The following AHCY variants were observed in gnomAD, a reference collection of about 807,000 sequenced individuals.
The protein encoded by AHCY is S-adenosyl-L-homocysteine hydrolase.
In AHCY, 24 loss-of-function variants were observed where a neutral mutation model predicts 45.4. The observed-to-expected ratio is 0.53, with a 90% CI of 0.38 to 0.74. The LOEUF (loss-of-function observed/expected upper bound fraction) is 0.74. Among genes scored for constraint, AHCY ranks in the 30% least tolerant of loss-of-function variants. AHCY has a pLI of 0.00. For synonymous variants in AHCY, 245 were observed against 235.1 expected (o/e 1.04, Z -0.39); for missense variants, 449 against 594.1 (o/e 0.76, Z 2.54).
At chr20:34,284,233 C>T (rs927064981) in intron 9 of AHCY, among the ~76,000 whole-genome samples, 1 of 152,082 alleles carries the variant, frequency 6.6e-6, no homozygotes, top group Non-Finnish European at 1.5e-5. Flanking sequence ...AATCTCGTCT[C>T]ACTGCAACCT....
At chr20:34,278,560 C>T (rs879554159), downstream of AHCY, among the ~76,000 whole-genome samples, 8 of 152,242 alleles carry the variant, frequency 5.3e-5, no homozygotes, top group Non-Finnish European at 8.8e-5. Flanking sequence ...CTCTGGTTTA[C>T]AGTTCCAGAG....
the AHCY span, among the ~76,000 whole-genome samples, chr20:34,251,888 C>T: frequency 6.6e-6 from 1 of 152,162 alleles, no homozygotes; most frequent in African/African-American, 2.4e-5. Flanking sequence ...CTGCCTGCAC[C>T]TTGATCTTGG....
intron 3 of AHCY, 187 bp downstream of exon 3, chr20:34,293,894 C>A: frequency 2.9e-6 from 2 of 683,578 alleles, no homozygotes; most frequent in Non-Finnish European, 5.3e-6. Flanking sequence ...TAAACAACTT[C>A]CACAGGATTT....
At chr20:34,306,940 G>T (rs893316543), upstream of AHCY, among the ~76,000 whole-genome samples, 1 of 152,186 alleles carries the variant, frequency 6.6e-6, no homozygotes, top group Non-Finnish European at 1.5e-5. Context: ...GGTAAATGTG[G>T]CTGTAAAAGG....
the AHCY span, chr20:34,260,465 C>G: frequency 6.2e-7 from 1 of 1,614,102 alleles, no homozygotes; most frequent in Non-Finnish European, 8.5e-7. Context: ...GGAGAAGCTC[C>G]GAGATGACAG....
intron 1 of AHCY, among the ~76,000 whole-genome samples, chr20:34,309,360 G>A (rs767808138): frequency 1.3e-5 from 2 of 152,114 alleles, no homozygotes; most frequent in Admixed American, 1.3e-4. Flanking sequence ...TTAGTGGATT[G>A]ACCTTTTATC....
rs774872458 is a variant in AHCY, at chr20:34,285,473, C to G, written c.1134G>C (p.Lys378Asn). Residue 378 changes from lysine (K) to asparagine (N), a missense_variant, in exon 9 of 10, where the codon AAG becomes AAC. Transcript: ENST00000217426. ...AQIELWTHPD[K>N]YPVGVHFLPK... ...GCAGGAAATGAACCCCAACGGGGTA[C>G]TTGTCTGGATGGGTCCACAGCTCGA... 1.1e-5 allele frequency: 18 copies of G among 1,613,966 alleles called. No individual in the cohort carries two copies. The highest frequency in any genetic ancestry group is 1.4e-5 in the Non-Finnish European group (17 of 1,179,946).
At chr20:34,301,170 G>A (rs1360889437) in intron 1 of AHCY, among the ~76,000 whole-genome samples, 3 of 152,112 alleles carry the variant, frequency 2.0e-5, no homozygotes, top group Non-Finnish European at 2.9e-5. Flanking sequence ...CCAATTAACC[G>A]CAGAACCAGA....
chr20:34,245,351 G>A, the AHCY span, among the ~76,000 whole-genome samples: 1 of 145,354 alleles, frequency 6.9e-6, no homozygotes. Context: ...AAAAAAAAAA[G>A]AGAGAGAGAC....
At chr20:34,303,202 G>A in intron 1 of AHCY, 41 bp downstream of exon 1, 3 of 1,550,748 alleles carry the variant, frequency 1.9e-6, no homozygotes, top group Non-Finnish European at 2.6e-6. Context: ...CCCCGGGCGG[G>A]TGCCGGGCGG....
upstream of AHCY, among the ~76,000 whole-genome samples, chr20:34,303,999 A>G (rs2036863228): frequency 6.6e-6 from 1 of 152,152 alleles, no homozygotes; most frequent in African/African-American, 2.4e-5. Context: ...ACCCTATCTC[A>G]AAAAAACCAA....
At chr20:34,283,235 G>A (rs6120594) in intron 9 of AHCY, among the ~76,000 whole-genome samples, 2 of 152,048 alleles carry the variant, frequency 1.3e-5, no homozygotes, top group Non-Finnish European at 2.9e-5. Context: ...CACGTCCTAA[G>A]GTCAACACCT....
Position 34,281,049 on chromosome 20 carries a change from A to G in AHCY, c.1284T>C (p.Asp428=), listed in dbSNP as rs760184259. 4 of 1,614,140 alleles carry G rather than the reference A, an allele frequency of 2.5e-6. No homozygotes were observed. Among genetic ancestry groups the G allele is most frequent in the Non-Finnish European group, 3.4e-6 (4 of 1,180,040 alleles). The change falls in exon 10 of 10, where the codon GAT becomes GAC. Residue 428 remains aspartate (D), a synonymous_variant. Transcript: ENST00000217426. ...GMSCDGPFKP[D]HYRY ...GACCTGGCTCTCAGTAGCGGTAGTG[A>G]TCCGGCTTGAAGGGGCCATCACAGG...
the AHCY span, among the ~76,000 whole-genome samples, chr20:34,232,299 TGAG>T: frequency 5.3e-5 from 8 of 152,186 alleles, no homozygotes; most frequent in Non-Finnish European, 1.0e-4. Flanking sequence ...CTCTATAAGA[TGAG>T]GAGGAGCATA....
the AHCY span, among the ~76,000 whole-genome samples, chr20:34,242,192 TTTTTA>T: frequency 4.0e-5 from 6 of 151,568 alleles, no homozygotes; most frequent in Admixed American, 1.3e-4. Context: ...CTTTTTAAAA[TTTTTA>T]TTTTATTTTA....
At chr20:34,310,780 T>A (rs1221938128) in intron 1 of AHCY, among the ~76,000 whole-genome samples, 1 of 152,238 alleles carries the variant, frequency 6.6e-6, no homozygotes, top group African/African-American at 2.4e-5. Flanking sequence ...GCCTGAGGCC[T>A]AAGCGCCACT....
rs1429988422 is a variant in AHCY at position 34,293,743 on chromosome 20, C to T, written c.295+338G>A. ...CCGCCATACCCTAGGCAGTGAACCT[C>T]TTTTTCTGCCCCGTAGCCCTCCCCA... On this transcript the variant is annotated intron_variant, in intron 3 of 9. Coordinates refer to ENST00000217426, the MANE Select transcript of AHCY (RefSeq NM_000687.4). The T allele has an allele frequency of 1.5e-5, 6 of 396,776 alleles. No individual in the cohort carries two copies. In the East Asian group the frequency reaches 3.0e-4, roughly 20 times the overall value. The allele number at this position is 396,776 out of a possible 1,614,324, so 24.6% of individuals were successfully genotyped here. A position where few individuals can be genotyped will look rare whatever the true frequency, so the allele number is the denominator to read the frequency against.
upstream of AHCY, among the ~76,000 whole-genome samples, chr20:34,305,876 G>A (rs55938811): frequency 0.087 from 13,293 of 152,062 alleles, 1,919 homozygotes; most frequent in African/African-American, 0.3. Context: ...GGGGTCAGGA[G>A]TTCCAGACCA....
chr20:34,302,813 C>G, intron 1 of AHCY: 2 of 1,023,014 alleles, frequency 2.0e-6, no homozygotes, highest in Non-Finnish European at 2.3e-6. Context: ...GGGGTGCCCT[C>G]GCCGTCCCTG....
Sources: allele counts gnomAD v4.1 joint callset (sites outside exome capture counted in the v4.1 genomes callset), GRCh38; gene constraint gnomAD v4.1.1; transcripts MANE v1.5; gene names NCBI Gene and HGNC (gene_info 2026-07-23, HGNC 2026-07-21).